The following DIS3L variants were observed in gnomAD, a reference collection of about 807,000 sequenced individuals.
DIS3L encodes the protein DIS3-like exonuclease 1.
A neutral mutation model predicts 120.3 loss-of-function variants in DIS3L; 100 were observed. That is an observed-to-expected ratio of 0.83 (90% CI 0.71 to 0.98). DIS3L has a LOEUF of 0.98. Among genes scored for constraint, DIS3L ranks in the 50% least tolerant of loss-of-function variants. The probability of loss-of-function intolerance (pLI) is 0.00; values close to 1 mark genes in which losing one functional copy is unlikely to be tolerated. For missense variants in DIS3L, 1,196 were observed against 1,314.2 expected (o/e 0.91, Z 1.39); for synonymous variants, 426 against 470.6 (o/e 0.91, Z 1.23).
intron 2 of DIS3L, among the ~76,000 whole-genome samples, chr15:66,305,209 C>A: frequency 6.6e-6 from 1 of 151,660 alleles, no homozygotes; most frequent in East Asian, 2.0e-4. Flanking sequence ...ACTGTGTTAG[C>A]CAGGATGGTC....
intron 14 of DIS3L, chr15:66,329,602 T>G (rs1162334439): frequency 6.2e-6 from 8 of 1,280,992 alleles, no homozygotes; most frequent in Non-Finnish European, 7.9e-6. Context: ...AGATTTTTTT[T>G]TTTCCGAAAG....
Position 66,333,129 on chromosome 15 carries a change from T to G in DIS3L, c.2982T>G (p.Ser994Arg). The G allele has an allele frequency of 2.5e-6, 4 of 1,611,434 alleles. No individual in the cohort carries two copies. Among genetic ancestry groups the G allele is most frequent in the Non-Finnish European group, 3.4e-6 (4 of 1,179,580 alleles). ...ATCAGAGTTCCCCCTTGCTGAAGAG[T>G]GAGTTAGTGAAAGAAGTAACTAAAT... ...LIHQSSPLLK[S>R]ELVKEVTKSV... The change falls in exon 17 of 17, where the codon AGT becomes AGG. Residue 994 changes from serine to arginine, a missense_variant. Coordinates refer to ENST00000319212, the MANE Select transcript of DIS3L (RefSeq NM_001143688.3).
Position 66,311,844 on chromosome 15 carries a change from G to C in DIS3L, c.679G>C (p.Glu227Gln). Residue 227 changes from glutamate (E) to glutamine (Q), a missense_variant, in exon 5 of 17, where the codon GAA becomes CAA. Transcript: ENST00000319212. ...SQESHGKEYP[E>Q]HLPLEVLEAG... is the part of the protein sequence containing the mutation. ...GGAGAGCCATGGGAAGGAGTACCCA[G>C]AACATCTTCCCCTGGAAGTGTTAGA... is the stretch of plus-strand genomic sequence containing the variant. 6.2e-7 allele frequency: 1 copy of C among 1,614,150 alleles called. No homozygotes were observed. Among genetic ancestry groups the C allele is most frequent in the South Asian group, 1.1e-5 (1 of 91,080 alleles).
chr15:66,307,323 T>C (rs1409752721), intron 3 of DIS3L, among the ~76,000 whole-genome samples: 1 of 151,752 alleles, frequency 6.6e-6, no homozygotes, highest in Non-Finnish European at 1.5e-5. Flanking sequence ...GAGACAGGGT[T>C]TTTTGCTCTG....
intron 11 of DIS3L, 145 bp downstream of exon 11, chr15:66,323,730 C>G: frequency 1.4e-6 from 1 of 739,058 alleles, no homozygotes; most frequent in South Asian, 1.7e-5. Context: ...TCACCCCCGA[C>G]CCCAACCCCA....
At chr15:66,315,467 T>G (rs1393048447) in intron 7 of DIS3L, among the ~76,000 whole-genome samples, 1 of 152,110 alleles carries the variant, frequency 6.6e-6, no homozygotes, top group Non-Finnish European at 1.5e-5. Context: ...CCTCACTATG[T>G]GATGAAAACA....
rs1424276142 is a variant in DIS3L, at chr15:66,329,122, A to G, written c.2354A>G (p.Tyr785Cys). 1 of 1,610,524 alleles carries G rather than the reference A, an allele frequency of 6.2e-7. No individual in the cohort carries two copies. Among genetic ancestry groups the G allele is most frequent in the Non-Finnish European group, 8.5e-7 (1 of 1,178,866 alleles). Residue 785 changes from tyrosine (Y) to cysteine (C), a missense_variant and splice_region_variant, in exon 13 of 17, where the codon TAC (tyrosine) becomes TGC (cysteine). Physicochemically the swap from Tyr to Cys is radical, Grantham distance 194. Coordinates refer to ENST00000319212, the MANE Select transcript of DIS3L (RefSeq NM_001143688.3). ...TGTGCGGAGGAGGAGTTCCATCATT[A>G]CGGTGAATCATACCATATTCCTATG... Reference protein sequence around the residue: ...GSCAEEEFHHYGLALDKYTHF... With the variant: ...GSCAEEEFHHCGLALDKYTHF...
intron 12 of DIS3L, 49 bp downstream of exon 12, chr15:66,326,413 T>G (rs762922037): frequency 1.3e-6 from 2 of 1,556,198 alleles, no homozygotes. Flanking sequence ...TGCTGTATAT[T>G]TAGTTATCTT....
intron 7 of DIS3L, among the ~76,000 whole-genome samples, chr15:66,316,943 C>T (rs899407368): frequency 6.6e-6 from 1 of 152,210 alleles, no homozygotes; most frequent in African/African-American, 2.4e-5. Flanking sequence ...TGCATGGTCC[C>T]ACCAGCTGAG....
In DIS3L at chr15:66,300,766, GGGGAGTCAAGGTC is replaced by G. The variant is rs566430692; in HGVS notation, c.293+5627_293+5639del. 2.7e-4 allele frequency among the ~76,000 whole-genome samples: 41 copies of G among 152,328 alleles called. No individual in the cohort carries two copies. The South Asian group carries it at 6.8e-3, about 25-fold the overall frequency. Reference sequence around the variant, plus strand: ...GAACACTAGAGGAAGCCTGGGGGCAGGGGAGTCAAGGTCGAGAGTTTGAAGTGTCTCTGGGGCA... The same window carrying G: ...GAACACTAGAGGAAGCCTGGGGGCAGGAGAGTTTGAAGTGTCTCTGGGGCA... On this transcript the variant is annotated intron_variant, in intron 2 of 16. Coordinates refer to ENST00000319212, the MANE Select transcript of DIS3L (RefSeq NM_001143688.3).
intron 5 of DIS3L, 46 bp downstream of exon 5, chr15:66,311,946 C>A: frequency 6.2e-7 from 1 of 1,600,640 alleles, no homozygotes; most frequent in Non-Finnish European, 8.5e-7. Context: ...CACAGTGGCT[C>A]ATGCCTGTAA....
intron 5 of DIS3L, among the ~76,000 whole-genome samples, chr15:66,312,994 T>A (rs931507643): frequency 3.3e-5 from 5 of 151,976 alleles, no homozygotes; most frequent in Non-Finnish European, 5.9e-5. Flanking sequence ...ATTTAATTTA[T>A]TTTTTTATTT....
chr15:66,310,227 CT>C (rs2092746980), intron 4 of DIS3L, among the ~76,000 whole-genome samples: 2 of 152,082 alleles, frequency 1.3e-5, no homozygotes, highest in South Asian at 4.1e-4. Context: ...TTTCTTGGCC[CT>C]GCTATAAGAA....
chr15:66,299,842 C>T (rs1226745609), intron 2 of DIS3L, among the ~76,000 whole-genome samples: 1 of 152,110 alleles, frequency 6.6e-6, no homozygotes, highest in South Asian at 2.1e-4. Flanking sequence ...GATTGCCTGA[C>T]CTCAGGAGTT....
At chr15:66,321,826 T>G (rs2092887716) in intron 9 of DIS3L, among the ~76,000 whole-genome samples, 1 of 152,160 alleles carries the variant, frequency 6.6e-6, no homozygotes, top group Non-Finnish European at 1.5e-5. Flanking sequence ...AATTTCTTTT[T>G]GATCATTCTC....
At chr15:66,317,344 G>GAAA (rs1555403133) in intron 7 of DIS3L, among the ~76,000 whole-genome samples, 1 of 79,080 alleles carries the variant, frequency 1.3e-5, no homozygotes, top group Non-Finnish European at 2.5e-5. Context: ...AATATTTGTG[G>GAAA]GAAAAAAAAA....
rs139483516 is a variant in DIS3L at position 66,329,985 on chromosome 15, C to G, written c.2535+586C>G. On this transcript the variant is annotated intron_variant, in intron 14 of 16. Coordinates refer to ENST00000319212, the MANE Select transcript of DIS3L (RefSeq NM_001143688.3). ...CACCCAGAGCTAACAATTAATGATT[C>G]TAGACACTGCTAACATTTTTATTTA... 712 of 984,944 alleles carry G rather than the reference C, an allele frequency of 7.2e-4. 4 individuals carry two copies. The African/African-American group carries it at 0.012, about 16-fold the overall frequency. The allele number at this position is 984,944 out of a possible 1,614,324, so 61.0% of individuals were successfully genotyped here.
chr15:66,298,107 A>G (rs1404137132), intron 2 of DIS3L, among the ~76,000 whole-genome samples: 3 of 127,830 alleles, frequency 2.3e-5, no homozygotes, highest in Non-Finnish European at 4.7e-5. Flanking sequence ...TGAACCCGGG[A>G]GGCGGAGGTT....
At position 66,326,027 on chromosome 15, in the gene DIS3L, C is replaced by T. The variant is rs1372008072; in HGVS notation, c.1864C>T (p.Leu622=). The T allele has an allele frequency of 1.2e-6, 2 of 1,613,998 alleles. No homozygotes were observed. The highest frequency in any genetic ancestry group is 2.7e-5 in the African/African-American group (2 of 74,924). Residue 622 remains leucine (L), a synonymous_variant, in exon 12 of 17, where the codon CTG becomes TTG. Coordinates refer to ENST00000319212, the MANE Select transcript of DIS3L (RefSeq NM_001143688.3). ...GGATGAGAAGAGCAGACAAGCCAAG[C>T]TGGAGGAGTTGGTGTGGGCAATTGG... The part of the protein sequence containing the change: ...DLDEKSRQAK[L]EELVWAIGKL...
Sources: gnomAD v4.1 joint callset for allele counts (sites outside exome capture counted in the v4.1 genomes callset) on GRCh38, gnomAD v4.1.1 for gene constraint, MANE v1.5 for transcripts, NCBI Gene and HGNC (gene_info 2026-07-23, HGNC 2026-07-21) for gene names.